Variants in MRPS18A observed in about 807,000 individuals in gnomAD.
The protein encoded by MRPS18A is large ribosomal subunit protein mL66.
A neutral mutation model predicts 22.7 loss-of-function variants in MRPS18A; 20 were observed. The ratio of observed to expected loss-of-function variants is 0.88; its 90% CI spans 0.62 to 1.28. The LOEUF (loss-of-function observed/expected upper bound fraction) is 1.28, where lower values mean the gene tolerates loss of function less well. Among genes scored for constraint, MRPS18A ranks in the 50% most tolerant of loss-of-function variants. MRPS18A has a pLI of 0.00. For synonymous variants in MRPS18A, 106 were observed against 99.1 expected, an observed-to-expected ratio of 1.07 and a Z score of -0.41; for missense variants, 294 against 262.6, an observed-to-expected ratio of 1.12 and a Z score of -0.83.
intron 1 of MRPS18A, 133 bp downstream of exon 1, chr6:43,687,535 C>T: frequency 5.2e-6 from 4 of 769,828 alleles, no homozygotes; most frequent in Admixed American, 5.1e-5. Context: ...CTTTTAAGCA[C>T]GCCTGGGGAG....
intron 2 of MRPS18A, among the ~76,000 whole-genome samples, chr6:43,679,041 T>C (rs1199135186): frequency 1.3e-5 from 2 of 152,170 alleles, no homozygotes; most frequent in African/African-American, 4.8e-5. Flanking sequence ...CACAGGGATA[T>C]AGAGTCCAAA....
chr6:43,682,286 G>A (rs1774465719), intron 1 of MRPS18A, among the ~76,000 whole-genome samples: 1 of 152,228 alleles, frequency 6.6e-6, no homozygotes. Flanking sequence ...GGGACAGAGC[G>A]AGACCCCATC....
chr6:43,681,191 A>C, intron 1 of MRPS18A, 71 bp from the exon 2 acceptor site: 64 of 1,482,432 alleles, frequency 4.3e-5, no homozygotes, highest in Non-Finnish European at 5.3e-5. Context: ...ATAACAGCTC[A>C]AATTCTACAC....
chr6:43,680,521 T>A (rs920897457), intron 2 of MRPS18A, among the ~76,000 whole-genome samples: 1 of 152,184 alleles, frequency 6.6e-6, no homozygotes, highest in Non-Finnish European at 1.5e-5. Context: ...CTAGGCCCCA[T>A]GACTCCCCAA....
intron 1 of MRPS18A, 132 bp downstream of exon 1, chr6:43,687,536 G>T: frequency 2.6e-6 from 2 of 771,888 alleles, no homozygotes; most frequent in Non-Finnish European, 4.3e-6. Flanking sequence ...TTTTAAGCAC[G>T]CCTGGGGAGC....
chr6:43,676,856 C>T (rs147452876), intron 3 of MRPS18A, among the ~76,000 whole-genome samples: 1 of 152,192 alleles, frequency 6.6e-6, no homozygotes, highest in Non-Finnish European at 1.5e-5. Flanking sequence ...GCCTTCAATT[C>T]CCACCCCTGT....
At position 43,671,604 on chromosome 6, in the gene MRPS18A, A is replaced by G; in HGVS notation, c.*158T>C. 3 of 808,880 alleles carry G rather than the reference A, an allele frequency of 3.7e-6. No individual in the cohort carries two copies. Among genetic ancestry groups the G allele is most frequent in the Non-Finnish European group, 5.9e-6 (3 of 506,560 alleles). 50.1% of individuals were successfully genotyped at this position (808,880 alleles called of 1,614,324 possible). ...CATTGCTACTGTGCAGGCCAAGGGT[A>G]CTGAAGTTAGTCCCACTGTCCCCTG... On this transcript the variant is annotated 3_prime_UTR_variant, in exon 6 of 6. Coordinates refer to ENST00000372133, the MANE Select transcript of MRPS18A (RefSeq NM_018135.4).
At position 43,673,251 on chromosome 6, in the gene MRPS18A, T is replaced by C. The variant is rs59246686; in HGVS notation, c.447-1345A>G. ...GATCCGCCCGCCTCGGCCTCCCAAA[T>C]TGCTGGGATTACAGGTGTGAGGGGA... On this transcript the variant is annotated intron_variant, in intron 5 of 5. Coordinates refer to ENST00000372133, the MANE Select transcript of MRPS18A (RefSeq NM_018135.4). This position sits in a 1 kb window ranked among gnomAD's most constrained non-coding sequence, Gnocchi z 4.2. 6.6e-6 allele frequency among the ~76,000 whole-genome samples: 1 copy of C among 151,768 alleles called. No homozygotes were observed. The highest frequency in any genetic ancestry group is 1.5e-5 in the Non-Finnish European group (1 of 67,928).
intron 5 of MRPS18A, 88 bp from the exon 6 acceptor site, chr6:43,671,994 C>A (rs1773730355): frequency 3.5e-6 from 5 of 1,414,048 alleles, no homozygotes; most frequent in Admixed American, 5.5e-5. Context: ...TCAGGCCAGG[C>A]CACGGTTGGG....
intron 2 of MRPS18A, among the ~76,000 whole-genome samples, chr6:43,680,431 T>C (rs1308316760): frequency 6.6e-6 from 1 of 152,164 alleles, no homozygotes; most frequent in African/African-American, 2.4e-5. Context: ...GGGAGCTCTG[T>C]GCAGTGACTG....
At chr6:43,681,243 C>A (rs1465154508) in intron 1 of MRPS18A, 123 bp from the exon 2 acceptor site, 9 of 991,642 alleles carry the variant, frequency 9.1e-6, no homozygotes, top group Non-Finnish European at 1.4e-5. Flanking sequence ...CTCTCATGGT[C>A]TCCACCTAGA....
chr6:43,680,986 C>T (rs1774371675), intron 2 of MRPS18A, 103 bp downstream of exon 2: 2 of 1,060,230 alleles, frequency 1.9e-6, no homozygotes, highest in African/African-American at 1.6e-5. Flanking sequence ...GGAGCTGATC[C>T]TGGAGCTGGG....
chr6:43,672,986 C>CTT (rs530348186), intron 5 of MRPS18A, among the ~76,000 whole-genome samples: 11,432 of 127,016 alleles, frequency 0.09, 657 homozygotes, highest in East Asian at 0.22. Flanking sequence ...ATAGGGACTG[C>CTT]TTTTTTTTTT....
chr6:43,678,402 C>G, intron 3 of MRPS18A, 116 bp downstream of exon 3: 5 of 768,628 alleles, frequency 6.5e-6, no homozygotes, highest in Non-Finnish European at 9.0e-6. Context: ...GCTCCCATCT[C>G]TGGTGGTTCC....
At chr6:43,681,165 G>A (rs757957339) in intron 1 of MRPS18A, 45 bp from the exon 2 acceptor site, 9 of 1,586,364 alleles carry the variant, frequency 5.7e-6, no homozygotes, top group Non-Finnish European at 7.8e-6. Flanking sequence ...ATTTAATAAG[G>A]AACAGAGAGT....
At chr6:43,678,689 G>A in intron 2 of MRPS18A, 64 bp from the exon 3 acceptor site, 1 of 1,170,252 alleles carries the variant, frequency 8.5e-7, no homozygotes, top group Non-Finnish European at 1.3e-6. Context: ...CATTATCTTT[G>A]CACAAACCCC....
At chr6:43,675,389 T>C in intron 4 of MRPS18A, 105 bp downstream of exon 4, 1 of 1,602,428 alleles carries the variant, frequency 6.2e-7, no homozygotes, top group Non-Finnish European at 8.5e-7. Flanking sequence ...TAATTAACAC[T>C]CCGGATATCC....
chr6:43,683,200 C>T (rs1774509424), intron 1 of MRPS18A, among the ~76,000 whole-genome samples: 1 of 152,204 alleles, frequency 6.6e-6, no homozygotes, highest in Non-Finnish European at 1.5e-5. Context: ...AACTCCCCCT[C>T]CACGCAGCAA....
rs1447148862 is a variant in MRPS18A at position 43,675,546 on chromosome 6, G to A, written c.324C>T (p.Cys108=). 1.2e-6 allele frequency: 2 copies of A among 1,614,112 alleles called. No individual in the cohort carries two copies. The highest frequency in any genetic ancestry group is 1.7e-6 in the Non-Finnish European group (2 of 1,180,028). The change falls in exon 4 of 6, where the codon TGC becomes TGT. Residue 108 remains cysteine (C), a synonymous_variant. Coordinates refer to ENST00000372133, the MANE Select transcript of MRPS18A (RefSeq NM_018135.4). ...CCTCGATCTTGCGGTGTTCTTCCTG[G>A]CATAGGCCTGTGATCTTTCGGGGCA... is the stretch of plus-strand genomic sequence containing the variant. The part of the protein sequence containing the change: ...GMLPRKITGL[C]QEEHRKIEEC...
Sources: allele counts gnomAD v4.1 joint callset (sites outside exome capture counted in the v4.1 genomes callset), GRCh38; gene constraint gnomAD v4.1.1; non-coding constraint Gnocchi (gnomAD v3.1); transcripts MANE v1.5; gene names NCBI Gene and HGNC (gene_info 2026-07-23, HGNC 2026-07-21).